The following DEPDC5 variants were observed in gnomAD, a reference collection of about 807,000 sequenced individuals.
DEPDC5 encodes GATOR1 complex protein DEPDC5.
DEPDC5 carries 73 observed loss-of-function variants against 217.3 expected under a neutral mutation model. The ratio of observed to expected loss-of-function variants is 0.34; its 90% CI spans 0.28 to 0.41. The LOEUF (loss-of-function observed/expected upper bound fraction) is 0.41. Among genes scored for constraint, DEPDC5 ranks in the 10% least tolerant of loss-of-function variants. The probability of loss-of-function intolerance (pLI) is 1.00; values close to 1 mark genes in which losing one functional copy is unlikely to be tolerated. For missense variants in DEPDC5, 1,675 were observed against 2,070.1 expected (o/e 0.81, Z 3.70); for synonymous variants, 733 against 756.7 (o/e 0.97, Z 0.51).
chr22:31,827,687 C>T (rs2090263215), intron 24 of DEPDC5, among the ~76,000 whole-genome samples: 2 of 152,174 alleles, frequency 1.3e-5, no homozygotes, highest in South Asian at 4.1e-4. Context: ...TTGTTACGCT[C>T]AGTCCTCGTC....
chr22:31,844,973 T>C (rs2091639267), intron 29 of DEPDC5, 45 bp from the exon 30 acceptor site: 1 of 1,601,788 alleles, frequency 6.2e-7, no homozygotes, highest in African/African-American at 1.3e-5. Flanking sequence ...GCTTTCATTA[T>C]CTCCTTTCTC....
chr22:31,874,200 T>G, intron 35 of DEPDC5, 73 bp from the exon 36 acceptor site: 1 of 1,550,768 alleles, frequency 6.4e-7, no homozygotes, highest in Non-Finnish European at 8.7e-7. Context: ...TCCCTTCTTT[T>G]TCATCTTTCC....
At chr22:31,759,383 G>GT (rs61655571) in intron 3 of DEPDC5, among the ~76,000 whole-genome samples, 8 of 145,076 alleles carry the variant, frequency 5.5e-5, no homozygotes, top group African/African-American at 7.6e-5. Context: ...GTTTTTTTTT[G>GT]TTTTTTTTGA....
chr22:31,768,213 C>T (rs2082999013), intron 6 of DEPDC5, among the ~76,000 whole-genome samples: 1 of 151,360 alleles, frequency 6.6e-6, no homozygotes, highest in Admixed American at 6.6e-5. Context: ...TACACCACAC[C>T]CACATTTATT....
At chr22:31,821,765 C>A in intron 23 of DEPDC5, 128 bp downstream of exon 23, 1 of 1,349,312 alleles carries the variant, frequency 7.4e-7, no homozygotes, top group Non-Finnish European at 1.0e-6. Context: ...AGGTCAGGGC[C>A]TTCCTTTGTT....
At chr22:31,814,725 G>A (rs2088862464) in intron 20 of DEPDC5, 3 of 479,746 alleles carry the variant, frequency 6.3e-6, no homozygotes, top group Admixed American at 3.4e-5. Flanking sequence ...AGTGGGATTA[G>A]GTGGGGTCAG....
chr22:31,844,337 T>G (rs968338071), intron 29 of DEPDC5, among the ~76,000 whole-genome samples: 2 of 152,188 alleles, frequency 1.3e-5, no homozygotes, highest in African/African-American at 2.4e-5. Context: ...GTGGCTACAG[T>G]GAGCCTTGAT....
rs1035256608 is a variant in DEPDC5, at chr22:31,764,966, C to G, written c.194-9C>G. 3 of 1,609,842 alleles carry G rather than the reference C, an allele frequency of 1.9e-6. No individual in the cohort carries two copies. Among genetic ancestry groups the G allele is most frequent in the Admixed American group, 1.7e-5 (1 of 59,938 alleles). ...ATGTTATCTGAGCCAGATATTGTTT[C>G]TGTTTTAGAAACTATCAGTGTGGAC... is the stretch of plus-strand genomic sequence containing the variant. On this transcript the variant is annotated splice_polypyrimidine_tract_variant and intron_variant, in intron 4 of 42. Transcript: ENST00000651528.
chr22:31,810,496 A>AATTTATATTATTTGTGT, intron 19 of DEPDC5, 25 bp from the exon 20 acceptor site: 1 of 1,613,476 alleles, frequency 6.2e-7, no homozygotes, highest in Non-Finnish European at 8.5e-7. Context: ...ATTTGATGAC[A>AATTTATATTATTTGTGT]ATTTATATTA....
rs537853596 is a variant in DEPDC5, at chr22:31,822,738, C to G, written c.2052C>G (p.Asn684Lys). 6.8e-6 allele frequency: 11 copies of G among 1,614,172 alleles called. 1 individual carries two copies. In the South Asian group the frequency reaches 8.8e-5, roughly 13 times the overall value. ...RQPGDGMSFL[N>K]FSGTEELSVG... ...CTGGTGACGGCATGTCCTTCTTGAA[C>G]TTCAGTGGAACAGAGGAGCTTTCTG... Residue 684 changes from asparagine to lysine, a missense_variant, in exon 24 of 43, where the codon AAC (asparagine) becomes AAG (lysine). Coordinates refer to ENST00000651528, the MANE Select transcript of DEPDC5 (RefSeq NM_001242896.3).
intron 8 of DEPDC5, among the ~76,000 whole-genome samples, chr22:31,779,856 C>T (rs1204208883): frequency 6.6e-6 from 1 of 152,120 alleles, no homozygotes; most frequent in Non-Finnish European, 1.5e-5. Flanking sequence ...ATATAATCAC[C>T]TCCATATTCC....
rs115990958 is a variant in DEPDC5 at position 31,804,480 on chromosome 22, T to C, written c.1143+257T>C. On this transcript the variant is annotated intron_variant, in intron 16 of 42. Transcript: ENST00000651528. The stretch of plus-strand genomic sequence containing the variant: ...TTGAGACGATGTCTTGTTCTTGTCC[T>C]CCAGGCTGGAGTGCAATGGTGCGAT... Among the ~76,000 whole-genome samples, 5,178 of 152,318 alleles carry C rather than the reference T, an allele frequency of 0.034. 140 individuals carry two copies. Among genetic ancestry groups the C allele is most frequent in the African/African-American group, 0.071 (2,945 of 41,572 alleles).
At position 31,815,130 on chromosome 22, in the gene DEPDC5, G is replaced by T; in HGVS notation, c.1584G>T (p.Lys528Asn). Reference sequence around the variant, plus strand: ...CTTCTGACGACAGCTCCCTAGGCAAGAGTGCCAACATCCTGATGATCCCAC... The same window carrying T: ...CTTCTGACGACAGCTCCCTAGGCAATAGTGCCAACATCCTGATGATCCCAC... Reference protein sequence around the residue: ...SQASDDSSLGKSANILMIPHP... With the variant: ...SQASDDSSLGNSANILMIPHP... Residue 528 changes from lysine (K) to asparagine (N), a missense_variant, in exon 21 of 43, where the codon AAG becomes AAT. Lys to Asn is a moderately conservative substitution (Grantham distance 94, BLOSUM62 0). Transcript: ENST00000651528. 1 of 1,614,208 alleles carries T rather than the reference G, an allele frequency of 6.2e-7. No homozygotes were observed. The highest frequency in any genetic ancestry group is 1.1e-5 in the South Asian group (1 of 91,080).
chr22:31,853,451 T>A (rs950217384), intron 31 of DEPDC5: 9 of 152,198 alleles, frequency 5.9e-5, no homozygotes, highest in Non-Finnish European at 1.3e-4. Flanking sequence ...AACCAGACAT[T>A]TATATAACAT....
chr22:31,839,641 CTGT>C (rs906785423), intron 27 of DEPDC5, among the ~76,000 whole-genome samples: 6 of 147,586 alleles, frequency 4.1e-5, no homozygotes, highest in African/African-American at 1.5e-4. Flanking sequence ...AGTCCAGGCC[CTGT>C]TGTTTATGTG....
Position 31,862,578 on chromosome 22 carries a change from T to C in DEPDC5, c.3330+1145T>C, listed in dbSNP as rs575938366. On this transcript the variant is annotated intron_variant, in intron 33 of 42. Transcript: ENST00000651528. ...GAGTCCATCTCAAAAAAAATAATAA[T>C]AACAAAATAGAATTTTTTAAAATGA... is the stretch of plus-strand genomic sequence containing the variant. Among the ~76,000 whole-genome samples, 8 of 152,282 alleles carry C rather than the reference T, an allele frequency of 5.3e-5. No homozygotes were observed. The East Asian group carries it at 1.3e-3, about 26-fold the overall frequency.
At chr22:31,870,056 T>G (rs2092799247) in intron 33 of DEPDC5, among the ~76,000 whole-genome samples, 1 of 152,208 alleles carries the variant, frequency 6.6e-6, no homozygotes, top group South Asian at 2.1e-4. Context: ...ATCAGATGGC[T>G]CTGAGAGTTG....
chr22:31,775,336 C>T (rs1286645546), intron 7 of DEPDC5, among the ~76,000 whole-genome samples: 2 of 151,988 alleles, frequency 1.3e-5, no homozygotes, highest in Admixed American at 1.3e-4. Context: ...CCTGCCACCA[C>T]GCCTGGCTAA....
chr22:31,814,984 C>A lies in DEPDC5; in HGVS notation c.1446-8C>A, dbSNP rs188460159. The A allele has an allele frequency of 1.7e-5, 28 of 1,613,730 alleles. No individual in the cohort carries two copies. In the African/African-American group the frequency reaches 2.8e-4, roughly 16 times the overall value. Reference sequence around the variant, plus strand: ...CTTGATGGTAACTTTTTGTCTCTTGCCTGGCAGATCTGTGCGAGAGCGAGA... The same window carrying A: ...CTTGATGGTAACTTTTTGTCTCTTGACTGGCAGATCTGTGCGAGAGCGAGA... On this transcript the variant is annotated splice_polypyrimidine_tract_variant and splice_region_variant and intron_variant, in intron 20 of 42. Transcript: ENST00000651528.
Sources: gnomAD v4.1 joint callset for allele counts (sites outside exome capture counted in the v4.1 genomes callset) on GRCh38, gnomAD v4.1.1 for gene constraint, MANE v1.5 for transcripts, NCBI Gene and HGNC (gene_info 2026-07-23, HGNC 2026-07-21) for gene names.